Variants in NKAIN2 observed in about 807,000 individuals in gnomAD.
NKAIN2 encodes sodium/potassium-transporting ATPase subunit beta-1-interacting protein 2.
In NKAIN2, 14 loss-of-function variants were observed where a neutral mutation model predicts 32.6. That is an observed-to-expected ratio of 0.43 (90% CI 0.28 to 0.67). The LOEUF (loss-of-function observed/expected upper bound fraction) is 0.67, where lower values mean the gene tolerates loss of function less well. Ranked by LOEUF, NKAIN2 falls within the 30% of genes least tolerant of loss-of-function variation. The pLI, the probability that NKAIN2 is intolerant of heterozygous loss-of-function variation, is 0.17. For synonymous variants in NKAIN2, 80 were observed against 87.2 expected (o/e 0.92, Z 0.46); for missense variants, 198 against 258.3 (o/e 0.77, Z 1.60).
At chr6:124,105,433 A>G (rs1001782595) in intron 1 of NKAIN2, among the ~76,000 whole-genome samples, 5 of 152,110 alleles carry the variant, frequency 3.3e-5, no homozygotes, top group African/African-American at 9.7e-5. Context: ...CCCTGCAGGA[A>G]CAAGGGCCTG....
intron 1 of NKAIN2, among the ~76,000 whole-genome samples, chr6:123,925,858 C>T (rs1775980891): frequency 6.6e-6 from 1 of 152,106 alleles, no homozygotes; most frequent in African/African-American, 2.4e-5. Flanking sequence ...GTTCAGGTTG[C>T]TATAACAAAG....
At chr6:124,391,339 C>G (rs1436336183) in intron 3 of NKAIN2, among the ~76,000 whole-genome samples, 1 of 152,134 alleles carries the variant, frequency 6.6e-6, no homozygotes, top group Non-Finnish European at 1.5e-5. Flanking sequence ...TGTAATCACT[C>G]TGTCCTCTTG....
rs77371740 is a variant in NKAIN2, at chr6:124,441,809, C to A, written c.273+86462C>A. 4.2e-3 allele frequency among the ~76,000 whole-genome samples: 642 copies of A among 152,120 alleles called. 9 individuals are homozygous for A. Among genetic ancestry groups the A allele is most frequent in the African/African-American group, 0.015 (618 of 41,520 alleles). On this transcript the variant is annotated intron_variant, in intron 3 of 6. Transcript: ENST00000368417. ...ACAAAACATAGAATTACTACCCCTTCTAGGTGGAAGGGGTTTAATATAGTC... is the reference window on the plus strand; with the variant it reads ...ACAAAACATAGAATTACTACCCCTTATAGGTGGAAGGGGTTTAATATAGTC...
intron 1 of NKAIN2, among the ~76,000 whole-genome samples, chr6:124,265,058 C>T (rs549527415): frequency 2.6e-5 from 4 of 151,890 alleles, no homozygotes; most frequent in Admixed American, 1.3e-4. Context: ...TAGCTATATA[C>T]GTGGATGTAC....
intron 3 of NKAIN2, among the ~76,000 whole-genome samples, chr6:124,434,371 G>T (rs1006125727): frequency 6.6e-6 from 1 of 152,086 alleles, no homozygotes; most frequent in Non-Finnish European, 1.5e-5. Flanking sequence ...CTAGGGAAAT[G>T]TATTTCTAAA....
At chr6:124,009,175 T>C (rs1210496294) in intron 1 of NKAIN2, among the ~76,000 whole-genome samples, 1 of 152,104 alleles carries the variant, frequency 6.6e-6, no homozygotes, top group Admixed American at 6.5e-5. Flanking sequence ...CTGTTCCTCA[T>C]ACTCTACTTT....
chr6:123,980,288 G>A (rs564026773), intron 1 of NKAIN2, among the ~76,000 whole-genome samples: 1 of 152,296 alleles, frequency 6.6e-6, no homozygotes, highest in East Asian at 1.9e-4. Context: ...TGGAGGCTCT[G>A]AAGCTGCTAA....
intron 1 of NKAIN2, among the ~76,000 whole-genome samples, chr6:124,219,235 C>A (rs1333189913): frequency 1.3e-5 from 2 of 151,882 alleles, no homozygotes; most frequent in Admixed American, 1.3e-4. Flanking sequence ...TTTATTAACT[C>A]ATTGAGCAAA....
At chr6:123,825,447 G>A (rs1386913504) in intron 1 of NKAIN2, among the ~76,000 whole-genome samples, 1 of 152,088 alleles carries the variant, frequency 6.6e-6, no homozygotes, top group Non-Finnish European at 1.5e-5. Context: ...CTAACACATT[G>A]ATACCTATTT....
rs139333359 is a variant in NKAIN2, at chr6:124,534,189, T to A, written c.274-123997T>A. On this transcript the variant is annotated intron_variant, in intron 3 of 6. Coordinates refer to ENST00000368417, the MANE Select transcript of NKAIN2 (RefSeq NM_001040214.3). ...CATTGGGGGACAGAGTCTCATTCTG[T>A]TGCCCAGACTGGAGTGCAGTGACAC... Among the ~76,000 whole-genome samples, 712 of 152,228 alleles carry A rather than the reference T, an allele frequency of 4.7e-3. 2 individuals are homozygous for A. The highest frequency in any genetic ancestry group is 9.2e-3 in the Admixed American group (140 of 15,282).
intron 2 of NKAIN2, among the ~76,000 whole-genome samples, chr6:124,287,370 A>C (rs1795602402): frequency 6.6e-6 from 1 of 152,218 alleles, no homozygotes; most frequent in Non-Finnish European, 1.5e-5. Context: ...GACATTCTTC[A>C]AACCATTGAG....
At chr6:123,983,798 A>T (rs962654664) in intron 1 of NKAIN2, among the ~76,000 whole-genome samples, 1 of 152,126 alleles carries the variant, frequency 6.6e-6, no homozygotes, top group Non-Finnish European at 1.5e-5. Flanking sequence ...CTTATAAATT[A>T]AACTCAGGAA....
intron 2 of NKAIN2, among the ~76,000 whole-genome samples, chr6:124,286,712 G>A (rs144900292): frequency 1.1e-3 from 163 of 145,082 alleles, no homozygotes; most frequent in Admixed American, 1.4e-3. Flanking sequence ...GATAAGTTTC[G>A]TTCTTGCTGC....
intron 1 of NKAIN2, among the ~76,000 whole-genome samples, chr6:124,112,175 C>T (rs1323540408): frequency 6.6e-6 from 1 of 152,050 alleles, no homozygotes; most frequent in Non-Finnish European, 1.5e-5. Flanking sequence ...CTTATGCTGT[C>T]ATGTTGCTGT....
intron 1 of NKAIN2, among the ~76,000 whole-genome samples, chr6:123,898,153 C>T (rs948106115): frequency 1.3e-5 from 2 of 152,150 alleles, no homozygotes; most frequent in Non-Finnish European, 2.9e-5. Context: ...GTTGGAAGGC[C>T]ACTGGCGGAC....
At chr6:124,048,691 G>T (rs1355057826) in intron 1 of NKAIN2, among the ~76,000 whole-genome samples, 2 of 151,982 alleles carry the variant, frequency 1.3e-5, no homozygotes, top group Non-Finnish European at 2.9e-5. Context: ...ATATTTCTGT[G>T]ATGTTTATCA....
intron 1 of NKAIN2, among the ~76,000 whole-genome samples, chr6:124,262,962 A>C (rs754644388): frequency 2.0e-4 from 30 of 152,156 alleles, no homozygotes; most frequent in Non-Finnish European, 3.5e-4. Flanking sequence ...TAATAAGGAA[A>C]GCTCTTTAAG....
chr6:124,713,265 C>G (rs953589219), intron 4 of NKAIN2, among the ~76,000 whole-genome samples: 2 of 152,042 alleles, frequency 1.3e-5, no homozygotes, highest in African/African-American at 4.8e-5. Context: ...AGTAGAGGAG[C>G]AAATATTCGA....
chr6:124,145,598 C>T (rs191133692), intron 1 of NKAIN2, among the ~76,000 whole-genome samples: 5 of 152,196 alleles, frequency 3.3e-5, no homozygotes, highest in East Asian at 1.9e-4. Context: ...CTCCACCTCC[C>T]GGGTTCACGC....
Sources: gnomAD v4.1 joint callset for allele counts (sites outside exome capture counted in the v4.1 genomes callset) on GRCh38, gnomAD v4.1.1 for gene constraint, MANE v1.5 for transcripts, NCBI Gene and HGNC (gene_info 2026-07-23, HGNC 2026-07-21) for gene names.